Variants in UBAC1 observed in about 807,000 individuals in gnomAD.
UBAC1 encodes the protein ubiquitin-associated domain-containing protein 1.
In UBAC1, 27 loss-of-function variants were observed where a neutral mutation model predicts 45.9. The ratio of observed to expected loss-of-function variants is 0.59; its 90% confidence interval spans 0.43 to 0.81. The LOEUF is 0.81. Ranked by LOEUF, UBAC1 falls within the 30% of genes least tolerant of loss-of-function variation. The pLI is 0.00. For synonymous variants in UBAC1, 227 were observed against 215.5 expected (o/e 1.05, Z -0.47); for missense variants, 529 against 539.2 (o/e 0.98, Z 0.19).
In UBAC1 at chr9:135,953,748, G is replaced by A. The variant is rs1258236060; in HGVS notation, c.265C>T (p.Leu89=). The A allele has an allele frequency of 1.2e-6, 2 of 1,613,454 alleles. No individual in the cohort carries two copies. Among genetic ancestry groups the A allele is most frequent in the Middle Eastern group, 1.6e-4 (1 of 6,080 alleles). ...LEENIQDQDV[L]LLIKKRAPSP... ...GGAGCACGCTTTTTTATCAATAATAGGACATCTAGAAAAAACAACACGTAT... is the reference window on the plus strand; with the variant it reads ...GGAGCACGCTTTTTTATCAATAATAAGACATCTAGAAAAAACAACACGTAT... Residue 89 remains leucine, a synonymous_variant, in exon 3 of 10, where the codon CTA becomes TTA. Coordinates refer to ENST00000371756, the MANE Select transcript of UBAC1 (RefSeq NM_016172.3).
At chr9:135,952,096 A>G (rs995074602) in intron 3 of UBAC1, among the ~76,000 whole-genome samples, 2 of 152,258 alleles carry the variant, frequency 1.3e-5, no homozygotes, top group African/African-American at 4.8e-5. Context: ...ACTCAGGGAC[A>G]GGCGGAGGCA....
rs781191124 is a variant in UBAC1, at chr9:135,945,972, C to T, written c.570G>A (p.Glu190=). The change falls in exon 6 of 10, where the codon GAG becomes GAA. Residue 190 remains glutamate, a synonymous_variant. Transcript: ENST00000371756. The part of the protein sequence containing the change: ...ANAMLDEDED[E]RVDEAALRQL... ...GCCGCAGGGCAGCCTCGTCCACACG[C>T]TCATCCTCGTCCTCGTCCAGCATTG... The T allele has an allele frequency of 1.2e-6, 2 of 1,613,860 alleles. No homozygotes were observed. The highest frequency in any genetic ancestry group is 2.2e-5 in the South Asian group (2 of 91,092).
At chr9:135,935,004 T>C (rs1034156649) in intron 9 of UBAC1, among the ~76,000 whole-genome samples, 2 of 152,164 alleles carry the variant, frequency 1.3e-5, no homozygotes, top group Admixed American at 1.3e-4. Flanking sequence ...CTCAGTCCCC[T>C]GAGTAGCAGG....
At chr9:135,939,027 GGGAGATCTTGTCTCTAA>G (rs1442793352) in intron 8 of UBAC1, among the ~76,000 whole-genome samples, 1 of 152,216 alleles carries the variant, frequency 6.6e-6, no homozygotes, top group Non-Finnish European at 1.5e-5. Flanking sequence ...GGGCAACAAA[GGGAGATCTTGTCTCTAA>G]AAAACTAATT....
intron 8 of UBAC1, among the ~76,000 whole-genome samples, chr9:135,938,987 C>G (rs900894289): frequency 6.6e-6 from 1 of 152,128 alleles, no homozygotes; most frequent in Non-Finnish European, 1.5e-5. Context: ...GCAGGAGGAT[C>G]GATTGAAGCC....
chr9:135,946,240 T>A, intron 5 of UBAC1, 29 bp downstream of exon 5: 1 of 1,517,160 alleles, frequency 6.6e-7, no homozygotes, highest in Non-Finnish European at 9.2e-7. Context: ...TGAACCGCCC[T>A]GGAATGCAGC....
In UBAC1 at chr9:135,944,514, A is replaced by G. The variant is rs569810001; in HGVS notation, c.876+514T>C. On this transcript the variant is annotated intron_variant, in intron 7 of 9. Transcript: ENST00000371756. ...AGAGAGAAGGAAGAATGGGGAGATG[A>G]GGCGCGGGCGAGGAAGGTCCACACA... is the stretch of plus-strand genomic sequence containing the variant. 3.2e-4 allele frequency among the ~76,000 whole-genome samples: 48 copies of G among 152,314 alleles called. 1 individual carries two copies. Among genetic ancestry groups the G allele is most frequent in the African/African-American group, 1.2e-3 (48 of 41,582 alleles).
intron 3 of UBAC1, among the ~76,000 whole-genome samples, chr9:135,949,156 G>A (rs757839856): frequency 3.3e-5 from 5 of 151,990 alleles, no homozygotes; most frequent in Non-Finnish European, 7.4e-5. Flanking sequence ...GGCCCACGGA[G>A]GAACACACCA....
At chr9:135,943,191 G>A (rs775786396) in intron 7 of UBAC1, among the ~76,000 whole-genome samples, 56 of 152,114 alleles carry the variant, frequency 3.7e-4, no homozygotes, top group Non-Finnish European at 7.4e-4. Flanking sequence ...AGGCCGAGGC[G>A]GGCAGATCGC....
At chr9:135,940,830 C>T (rs1839262248) in intron 7 of UBAC1, among the ~76,000 whole-genome samples, 1 of 152,164 alleles carries the variant, frequency 6.6e-6, no homozygotes, top group African/African-American at 2.4e-5. Flanking sequence ...CTCTCCTAAT[C>T]CCTGAAAGGT....
At position 135,947,803 on chromosome 9, in the gene UBAC1, T is replaced by G; in HGVS notation, c.436A>C (p.Arg146=). The change falls in exon 4 of 10, where the codon AGA becomes CGA. Residue 146 remains arginine (R), a synonymous_variant. Coordinates refer to ENST00000371756, the MANE Select transcript of UBAC1 (RefSeq NM_016172.3). Reference sequence around the variant, plus strand: ...CGCTCTGGGCTGACACTCACGTCTCTCATGTTGGTCTGGACCGCGGCCCGG... The same window carrying G: ...CGCTCTGGGCTGACACTCACGTCTCGCATGTTGGTCTGGACCGCGGCCCGG... The part of the protein sequence containing the change: ...MDRAAVQTNM[R]DFQTELRKIL... The G allele has an allele frequency of 6.2e-7, 1 of 1,612,808 alleles. No individual in the cohort carries two copies. The highest frequency in any genetic ancestry group is 8.5e-7 in the Non-Finnish European group (1 of 1,179,544).
intron 4 of UBAC1, 163 bp downstream of exon 4, chr9:135,947,635 C>T (rs1393502255): frequency 6.1e-6 from 3 of 488,614 alleles, no homozygotes; most frequent in Non-Finnish European, 1.1e-5. Context: ...TTTTGATTTA[C>T]AGAAAAAATG....
At chr9:135,948,460 C>T (rs896737103) in intron 3 of UBAC1, among the ~76,000 whole-genome samples, 2 of 152,270 alleles carry the variant, frequency 1.3e-5, no homozygotes, top group African/African-American at 4.8e-5. Flanking sequence ...AAGACCATTC[C>T]AGCCTCCTAG....
chr9:135,946,053 C>A, intron 5 of UBAC1, 56 bp from the exon 6 acceptor site: 1 of 1,492,332 alleles, frequency 6.7e-7, no homozygotes, highest in Non-Finnish European at 9.3e-7. Flanking sequence ...GGGGCCTTAT[C>A]TGAGCACAAA....
At position 135,961,342 on chromosome 9, in the gene UBAC1, C is replaced by A. The variant is rs928531386; in HGVS notation, c.-180G>T. 7 of 296,404 alleles carry A rather than the reference C, an allele frequency of 2.4e-5. No homozygotes were observed. The highest frequency in any genetic ancestry group is 1.3e-4 in the South Asian group (1 of 7,702). 18.4% of individuals were successfully genotyped at this position (296,404 alleles called of 1,614,324 possible). ...CCGCGGCCTCAGCGGTCGCCTCGCT[C>A]CCGCCGCCGCAGCAGCCGCCGGGGG... On this transcript the variant is annotated 5_prime_UTR_variant, in exon 1 of 10. Transcript: ENST00000371756.
chr9:135,943,706 C>G (rs1024715626), intron 7 of UBAC1, among the ~76,000 whole-genome samples: 11 of 152,150 alleles, frequency 7.2e-5, no homozygotes, highest in Admixed American at 2.6e-4. Flanking sequence ...AGAATCAACT[C>G]AAATGCCCAC....
chr9:135,953,247 T>C (rs1485365061), intron 3 of UBAC1, among the ~76,000 whole-genome samples: 1 of 152,146 alleles, frequency 6.6e-6, no homozygotes, highest in East Asian at 1.9e-4. Flanking sequence ...CTACTGTAAA[T>C]GGCGAATGCG....
At chr9:135,943,716 C>G (rs980429789) in intron 7 of UBAC1, among the ~76,000 whole-genome samples, 8 of 152,054 alleles carry the variant, frequency 5.3e-5, no homozygotes, top group African/African-American at 1.9e-4. Context: ...CAAATGCCCA[C>G]GGATAAGAAA....
At chr9:135,949,000 G>A (rs1403165995) in intron 3 of UBAC1, among the ~76,000 whole-genome samples, 1 of 151,672 alleles carries the variant, frequency 6.6e-6, no homozygotes, top group African/African-American at 2.4e-5. Context: ...AACCTGGGAG[G>A]TGAGCTGAGA....
Sources: allele counts gnomAD v4.1 joint callset (sites outside exome capture counted in the v4.1 genomes callset), GRCh38; gene constraint gnomAD v4.1.1; transcripts MANE v1.5; gene names NCBI Gene and HGNC (gene_info 2026-07-23, HGNC 2026-07-21).